COL4A1: variants seen among roughly 807,000 people sequenced by gnomAD.
The protein encoded by COL4A1 is collagen alpha-1(IV) chain.
A neutral mutation model predicts 216.6 loss-of-function variants in COL4A1; 40 were observed. The ratio of observed to expected loss-of-function variants is 0.18; its 90% CI spans 0.14 to 0.24. The LOEUF (loss-of-function observed/expected upper bound fraction) is 0.24, where lower values mean the gene tolerates loss of function less well. Among genes scored for constraint, COL4A1 ranks in the 10% least tolerant of loss-of-function variants. The probability of loss-of-function intolerance (pLI) is 1.00; values close to 1 mark genes in which losing one functional copy is unlikely to be tolerated. For missense variants in COL4A1, 1,628 were observed against 2,196.8 expected, an observed-to-expected ratio of 0.74 and a Z score of 5.18; for synonymous variants, 839 against 810.7, an observed-to-expected ratio of 1.03 and a Z score of -0.59.
chr13:110,204,249 T>C (rs9521647), intron 17 of COL4A1, among the ~76,000 whole-genome samples: 87,230 of 152,024 alleles, frequency 0.57, 26,019 homozygotes, highest in East Asian at 0.76. Context: ...CATTTTACCA[T>C]GAATGTATAT....
Position 110,186,395 on chromosome 13 carries a change from T to C in COL4A1, c.1887A>G (p.Pro629=), listed in dbSNP as rs201109030. 76 of 1,613,130 alleles carry C rather than the reference T, an allele frequency of 4.7e-5. No individual in the cohort carries two copies. Among genetic ancestry groups the C allele is most frequent in the Non-Finnish European group, 6.0e-5 (71 of 1,180,042 alleles). The change falls in exon 26 of 52, where the codon CCA becomes CCG. Residue 629 remains proline (P), a synonymous_variant. Transcript: ENST00000375820. ...QAGFPGGPGS[P]GLPGPKGEPG... is the part of the protein sequence containing the mutation. ...TTTCTCAGGCCTCACCTGGCAGGCCTGGGGATCCAGGGCCTCCAGGAAAGC... is the reference window on the plus strand; with the variant it reads ...TTTCTCAGGCCTCACCTGGCAGGCCCGGGGATCCAGGGCCTCCAGGAAAGC...
chr13:110,184,707 G>T (rs143814961), intron 26 of COL4A1, among the ~76,000 whole-genome samples: 6,003 of 145,318 alleles, frequency 0.041, 147 homozygotes, highest in African/African-American at 0.057. Flanking sequence ...TGTGTGTTTT[G>T]TTTGTTTGTT....
intron 33 of COL4A1, 113 bp downstream of exon 33, chr13:110,177,729 C>T: frequency 8.9e-7 from 1 of 1,126,398 alleles, no homozygotes; most frequent in Non-Finnish European, 1.3e-6. Context: ...ATGTTCCTAA[C>T]TTCTTTTGTA....
At chr13:110,266,804 T>C (rs1883053772) in intron 1 of COL4A1, among the ~76,000 whole-genome samples, 1 of 151,804 alleles carries the variant, frequency 6.6e-6, no homozygotes, top group Non-Finnish European at 1.5e-5. Context: ...AAAACAAGAG[T>C]AATATGGAGA....
intron 40 of COL4A1, among the ~76,000 whole-genome samples, chr13:110,173,344 C>T (rs1877730435): frequency 6.6e-6 from 1 of 151,754 alleles, no homozygotes; most frequent in African/African-American, 2.4e-5. Context: ...CAGTGTCCCC[C>T]CAAGTCAGGG....
intron 24 of COL4A1, among the ~76,000 whole-genome samples, chr13:110,188,696 A>AG (rs958541796): frequency 1.3e-5 from 2 of 152,206 alleles, no homozygotes; most frequent in African/African-American, 2.4e-5. Context: ...CCCATTACAC[A>AG]GGGGGAGAGG....
intron 49 of COL4A1, among the ~76,000 whole-genome samples, chr13:110,160,391 C>T (rs1005318127): frequency 1.1e-5 from 1 of 87,840 alleles, no homozygotes; most frequent in Non-Finnish European, 2.2e-5. Flanking sequence ...TGCAGTGAGC[C>T]GAGATTGCGC....
chr13:110,161,238 A>ACATGGG lies in COL4A1; in HGVS notation c.4588_4593dup (p.Pro1530_Met1531dup), dbSNP rs1877070796. On this transcript the variant is annotated inframe_insertion, in exon 49 of 52. Coordinates refer to ENST00000375820, the MANE Select transcript of COL4A1 (RefSeq NM_001845.6). The stretch of plus-strand genomic sequence containing the variant: ...TTTTCCCCCGTGATGGGTGCCATTG[A>ACATGGG]CATGGGCATGGGCTCAGGGGTGGAC... The ACATGGG allele has an allele frequency of 8.1e-6, 13 of 1,614,066 alleles. No individual in the cohort carries two copies. Among genetic ancestry groups the ACATGGG allele is most frequent in the African/African-American group, 1.3e-5 (1 of 74,910 alleles).
At chr13:110,287,167 CAG>C (rs1189848625) in intron 1 of COL4A1, among the ~76,000 whole-genome samples, 4 of 152,226 alleles carry the variant, frequency 2.6e-5, no homozygotes, top group Non-Finnish European at 5.9e-5. Flanking sequence ...ACTGGACATG[CAG>C]AGACGCACTT....
chr13:110,305,954 A>G (rs183634479), intron 1 of COL4A1: 1 of 152,396 alleles, frequency 6.6e-6, no homozygotes, highest in African/African-American at 2.4e-5. Flanking sequence ...GTAAGTAGCA[A>G]AAATCATTTT....
Position 110,166,228 on chromosome 13 carries a change from C to A in COL4A1, c.4021+4G>T, listed in dbSNP as rs757103779. On this transcript the variant is annotated splice_donor_region_variant and intron_variant, in intron 45 of 51. Transcript: ENST00000375820. ...GGTGTCCACAGATCAACAAACTCTC[C>A]TACCTTTAGCTCCCGGGACGCCTTG... 4 of 1,586,886 alleles carry A rather than the reference C, an allele frequency of 2.5e-6. No individual in the cohort carries two copies. The Admixed American group carries it at 6.7e-5, about 26-fold the overall frequency.
intron 31 of COL4A1, 47 bp from the exon 32 acceptor site, chr13:110,178,278 T>C: frequency 6.2e-7 from 1 of 1,609,338 alleles, no homozygotes; most frequent in Non-Finnish European, 8.5e-7. Context: ...ATTTACAGAA[T>C]GATCTACAAT....
chr13:110,182,967 G>A (rs1389411756), intron 28 of COL4A1, 26 bp downstream of exon 28: 2 of 1,599,718 alleles, frequency 1.3e-6, no homozygotes, highest in African/African-American at 2.7e-5. Context: ...GTGGACCAAA[G>A]GCTCGGGTCC....
intron 41 of COL4A1, among the ~76,000 whole-genome samples, chr13:110,171,403 G>C (rs1215950538): frequency 6.6e-6 from 1 of 152,124 alleles, no homozygotes; most frequent in African/African-American, 2.4e-5. Flanking sequence ...TGTTTTCATG[G>C]TGTAGACCTA....
chr13:110,256,744 C>CG (rs67359604), intron 1 of COL4A1, among the ~76,000 whole-genome samples: 22,414 of 151,862 alleles, frequency 0.15, 1,998 homozygotes, highest in Non-Finnish European at 0.2. Context: ...AGACCGGCGG[C>CG]GGGGGGGTCT....
chr13:110,172,444 G>C (rs1877689427), intron 41 of COL4A1, among the ~76,000 whole-genome samples: 2 of 152,238 alleles, frequency 1.3e-5, no homozygotes, highest in Non-Finnish European at 2.9e-5. Context: ...GCATAAAAAT[G>C]ACAGGGGTCT....
At chr13:110,157,091 G>GC (rs1190057873) in intron 49 of COL4A1, among the ~76,000 whole-genome samples, 1 of 152,150 alleles carries the variant, frequency 6.6e-6, no homozygotes, top group Non-Finnish European at 1.5e-5. Context: ...CAAGGGTCCT[G>GC]CCCCATTGCA....
chr13:110,285,811 T>C (rs917753311), intron 1 of COL4A1, among the ~76,000 whole-genome samples: 5 of 152,178 alleles, frequency 3.3e-5, no homozygotes, highest in Admixed American at 1.3e-4. Flanking sequence ...GACAGCACAC[T>C]GTGGGACCTC....
intron 1 of COL4A1, among the ~76,000 whole-genome samples, chr13:110,266,747 G>T (rs555597904): frequency 5.9e-5 from 9 of 152,256 alleles, no homozygotes; most frequent in Non-Finnish European, 1.2e-4. Context: ...CATGTTCAGG[G>T]GCTAAGGGAG....
Sources: gnomAD v4.1 joint callset for allele counts (sites outside exome capture counted in the v4.1 genomes callset) on GRCh38, gnomAD v4.1.1 for gene constraint, MANE v1.5 for transcripts, NCBI Gene and HGNC (gene_info 2026-07-23, HGNC 2026-07-21) for gene names.